EYS: variants seen among roughly 807,000 people sequenced by gnomAD.
The protein encoded by EYS is protein eyes shut homolog.
A neutral mutation model predicts 282.1 loss-of-function variants in EYS; 250 were observed. That is an observed-to-expected ratio of 0.89 (90% confidence interval 0.80 to 0.98). The LOEUF is 0.98. EYS is among the 50% of genes least tolerant of loss of function. EYS has a pLI of 0.00. For synonymous variants in EYS, 1,355 were observed against 1,282.9 expected (o/e 1.06, Z -1.20); for missense variants, 4,016 against 3,709.0 (o/e 1.08, Z -2.15).
intron 26 of EYS, among the ~76,000 whole-genome samples, chr6:64,463,380 A>G (rs2150486901): frequency 6.6e-6 from 1 of 152,338 alleles, no homozygotes; most frequent in South Asian, 2.1e-4. Context: ...GTAGTCAGCT[A>G]TCCTTCTAGG....
chr6:65,568,662 C>A (rs183925943), intron 2 of EYS, among the ~76,000 whole-genome samples: 1 of 152,112 alleles, frequency 6.6e-6, no homozygotes, highest in South Asian at 2.1e-4. Context: ...TAGTCATGTC[C>A]TCCAAGCTGC....
At chr6:65,141,892 T>G (rs1051235961) in intron 12 of EYS, among the ~76,000 whole-genome samples, 1 of 151,948 alleles carries the variant, frequency 6.6e-6, no homozygotes, top group Non-Finnish European at 1.5e-5. Context: ...ACACTGAGAA[T>G]TTGTTATAAG....
intron 36 of EYS, chr6:63,821,875 A>G (rs1771333868): frequency 6.6e-6 from 1 of 152,348 alleles, no homozygotes; most frequent in Non-Finnish European, 1.5e-5. Context: ...CATCCGTGAA[A>G]CTGTTCCACA....
intron 33 of EYS, among the ~76,000 whole-genome samples, chr6:64,061,050 G>C (rs1429921103): frequency 6.6e-6 from 1 of 152,146 alleles, no homozygotes; most frequent in African/African-American, 2.4e-5. Context: ...AGGTATTAGG[G>C]TGTACCTTCA....
intron 26 of EYS, among the ~76,000 whole-genome samples, chr6:64,547,050 G>A (rs574388802): frequency 1.2e-4 from 19 of 152,264 alleles, no homozygotes; most frequent in African/African-American, 4.1e-4. Context: ...ATGTTCGGAC[G>A]TATTCGGAAT....
At chr6:64,389,068 G>C (rs2150425267) in intron 28 of EYS, among the ~76,000 whole-genome samples, 1 of 152,196 alleles carries the variant, frequency 6.6e-6, no homozygotes, top group Admixed American at 6.5e-5. Flanking sequence ...ATCAACCAAT[G>C]AAATAAATAA....
chr6:65,272,788 T>C (rs1017271883), intron 12 of EYS, among the ~76,000 whole-genome samples: 1 of 152,168 alleles, frequency 6.6e-6, no homozygotes, highest in African/African-American at 2.4e-5. Flanking sequence ...GCATTCAAAA[T>C]ATCTTGACAT....
At chr6:64,958,337 G>A (rs529231395) in intron 14 of EYS, among the ~76,000 whole-genome samples, 3 of 152,096 alleles carry the variant, frequency 2.0e-5, no homozygotes, top group African/African-American at 4.8e-5. Context: ...AGCGAAAATC[G>A]CGCCACTGCA....
At chr6:65,517,585 G>A (rs2127295860) in intron 2 of EYS, among the ~76,000 whole-genome samples, 1 of 152,110 alleles carries the variant, frequency 6.6e-6, no homozygotes, top group African/African-American at 2.4e-5. Flanking sequence ...GGTTAGGCAA[G>A]TCATTTTGGG....
chr6:65,390,790 G>A (rs1424617655), intron 7 of EYS, among the ~76,000 whole-genome samples: 2 of 151,874 alleles, frequency 1.3e-5, no homozygotes, highest in Admixed American at 1.3e-4. Flanking sequence ...AGGCTGAGAT[G>A]AGAGGATTGC....
chr6:65,650,959 CAG>C (rs1582563967), intron 1 of EYS, among the ~76,000 whole-genome samples: 1 of 152,080 alleles, frequency 6.6e-6, no homozygotes, highest in Non-Finnish European at 1.5e-5. Context: ...TAGTTTGCTT[CAG>C]AGAGTTGAGC....
At chr6:65,637,216 G>T (rs139074956) in intron 2 of EYS, among the ~76,000 whole-genome samples, 2,387 of 152,266 alleles carry the variant, frequency 0.016, 59 homozygotes, top group East Asian at 0.049. Context: ...AGAACCCACA[G>T]ATTTTTTAGT....
chr6:63,829,029 G>A (rs1032407775), intron 36 of EYS, among the ~76,000 whole-genome samples: 2 of 152,210 alleles, frequency 1.3e-5, no homozygotes, highest in Non-Finnish European at 2.9e-5. Context: ...ACTTGCACAT[G>A]CATGTTTATA....
Position 65,299,490 on chromosome 6 carries a change from C to G in EYS, c.1767-3371G>C, listed in dbSNP as rs115704558. Among the ~76,000 whole-genome samples, 1,038 of 152,094 alleles carry G rather than the reference C, an allele frequency of 6.8e-3. 17 individuals are homozygous for G. The highest frequency in any genetic ancestry group is 0.024 in the African/African-American group (995 of 41,492). ...CATTGGGATGTTCTTAGGAAAGTGT[C>G]GCTTCTGATGCATTGGAAGTAGTCC... On this transcript the variant is annotated intron_variant, in intron 11 of 42. Transcript: ENST00000503581.
At chr6:63,761,390 T>C (rs1388219998) in intron 41 of EYS, among the ~76,000 whole-genome samples, 1 of 152,094 alleles carries the variant, frequency 6.6e-6, no homozygotes, top group Non-Finnish European at 1.5e-5. Flanking sequence ...TAAGACATGA[T>C]TAAACATTTT....
intron 24 of EYS, among the ~76,000 whole-genome samples, chr6:64,614,934 T>C (rs1767224154): frequency 6.6e-6 from 1 of 152,156 alleles, no homozygotes; most frequent in Admixed American, 6.6e-5. Flanking sequence ...CTCTTAGGAA[T>C]ACTGCAACGT....
At chr6:64,550,660 G>A (rs1471174925) in intron 26 of EYS, among the ~76,000 whole-genome samples, 3 of 152,142 alleles carry the variant, frequency 2.0e-5, no homozygotes, top group Non-Finnish European at 4.4e-5. Flanking sequence ...AGGAAAAGAG[G>A]AAGTCAAATT....
At chr6:64,319,195 T>C (rs1481741115) in intron 29 of EYS, among the ~76,000 whole-genome samples, 1 of 151,964 alleles carries the variant, frequency 6.6e-6, no homozygotes, top group South Asian at 2.1e-4. Flanking sequence ...ACCAATAAAG[T>C]TGGTTTGGAA....
intron 2 of EYS, among the ~76,000 whole-genome samples, chr6:65,623,781 G>A (rs1221786320): frequency 6.6e-6 from 1 of 152,186 alleles, no homozygotes; most frequent in African/African-American, 2.4e-5. Flanking sequence ...GACGTCCAGT[G>A]AGTCACAAAT....
Sources: allele counts gnomAD v4.1 joint callset (sites outside exome capture counted in the v4.1 genomes callset), GRCh38; gene constraint gnomAD v4.1.1; transcripts MANE v1.5; gene names NCBI Gene and HGNC (gene_info 2026-07-23, HGNC 2026-07-21).